ASB15: variants seen among roughly 807,000 people sequenced by gnomAD.
ASB15 encodes the protein ankyrin repeat and SOCS box containing 15.
A neutral mutation model predicts 58.0 loss-of-function variants in ASB15; 54 were observed. The observed-to-expected ratio is 0.93, with a 90% CI of 0.75 to 1.17. The LOEUF (loss-of-function observed/expected upper bound fraction) is 1.17, where lower values mean the gene tolerates loss of function less well. Among genes scored for constraint, ASB15 ranks in the 50% most tolerant of loss-of-function variants. ASB15 has a pLI of 0.00. For missense variants in ASB15, 680 were observed against 707.4 expected (o/e 0.96, Z 0.44); for synonymous variants, 249 against 262.4 (o/e 0.95, Z 0.50).
At chr7:123,609,739 A>T (rs1425610804) in intron 3 of ASB15, among the ~76,000 whole-genome samples, 1 of 152,206 alleles carries the variant, frequency 6.6e-6, no homozygotes, top group Non-Finnish European at 1.5e-5. Context: ...GAGCTACTGT[A>T]TTTCAAAGGA....
chr7:123,630,554 C>T (rs1802067419), intron 11 of ASB15, among the ~76,000 whole-genome samples: 1 of 152,010 alleles, frequency 6.6e-6, no homozygotes, highest in South Asian at 2.1e-4. Flanking sequence ...GACATGCTTT[C>T]TCTGGGGTCT....
At chr7:123,608,493 ATTGT>A (rs528349275) in intron 2 of ASB15, 97 bp from the exon 3 acceptor site, 41 of 152,186 alleles carry the variant, frequency 2.7e-4, no homozygotes, top group African/African-American at 7.7e-4. Context: ...TTGGACTAAG[ATTGT>A]TTGTGTGTGT....
chr7:123,581,053 CAGT>C (rs1268678943), intron 1 of ASB15, among the ~76,000 whole-genome samples: 2 of 151,912 alleles, frequency 1.3e-5, no homozygotes, highest in Non-Finnish European at 2.9e-5. Flanking sequence ...CAGCTTGTTG[CAGT>C]AGAACTGTCT....
At chr7:123,574,840 T>G (rs1481991325) in intron 1 of ASB15, among the ~76,000 whole-genome samples, 2 of 152,136 alleles carry the variant, frequency 1.3e-5, no homozygotes, top group Admixed American at 1.3e-4. Context: ...ATTGTTTTCC[T>G]CCAAAGTACT....
chr7:123,636,889 T>A lies in ASB15; in HGVS notation c.1675T>A (p.Ser559Thr). Residue 559 changes from serine to threonine, a missense_variant, in exon 12 of 12, where the codon TCA becomes ACA. Transcript: ENST00000451215. ...MGLQKLCQPASVEKLPLPPAI... is the reference protein window; with the variant it reads ...MGLQKLCQPATVEKLPLPPAI... ...TCTCCAGAAACTCTGCCAGCCAGCC[T>A]CAGTGGAGAAGCTTCCTCTACCACC... 6.2e-7 allele frequency: 1 copy of A among 1,604,168 alleles called. No individual in the cohort carries two copies.
intron 3 of ASB15, chr7:123,609,243 T>C (rs1652030973): frequency 2.0e-5 from 3 of 152,162 alleles, no homozygotes; most frequent in African/African-American, 2.4e-5. Context: ...GACCCTTTTG[T>C]TGTCCCTTCG....
At chr7:123,631,248 T>C (rs887113793) in intron 11 of ASB15, among the ~76,000 whole-genome samples, 1 of 152,212 alleles carries the variant, frequency 6.6e-6, no homozygotes, top group Admixed American at 6.5e-5. Flanking sequence ...AGATGTAAGA[T>C]AGTATTAACC....
chr7:123,624,569 CTGTGAA>C lies in ASB15; in HGVS notation c.453_458del (p.Val152_Lys153del), dbSNP rs778221995. 6.2e-7 allele frequency: 1 copy of C among 1,610,660 alleles called. No homozygotes were observed. The highest frequency in any genetic ancestry group is 8.5e-7 in the Non-Finnish European group (1 of 1,176,966). ...GTTGTTTTTAACAATCATTTTCAAG[CTGTGAA>C]AAAGGGCTCCTATGACATGGTGTCG... On this transcript the variant is annotated inframe_deletion and splice_region_variant, in exon 8 of 12. Transcript: ENST00000451215.
rs1302783497 is a variant in ASB15 at position 123,638,181 on chromosome 7, C to G, written c.*1200C>G. The G allele has an allele frequency of 6.6e-6, 1 of 152,080 alleles. No individual in the cohort carries two copies. Among genetic ancestry groups the G allele is most frequent in the Non-Finnish European group, 1.5e-5 (1 of 68,012 alleles). 9.4% of individuals were successfully genotyped at this position (152,080 alleles called of 1,614,324 possible). On this transcript the variant is annotated 3_prime_UTR_variant, in exon 12 of 12. Transcript: ENST00000451215. ...CCCTGTCCCAAACACTTTCTACATA[C>G]AGCATCTCAGAAGAGTCTTTTACAA... is the stretch of plus-strand genomic sequence containing the variant.
In ASB15 at chr7:123,604,149, G is replaced by C. The variant is rs1202594334; in HGVS notation, c.-127G>C. 1 of 152,184 alleles carries C rather than the reference G, an allele frequency of 6.6e-6. No homozygotes were observed. The highest frequency in any genetic ancestry group is 1.5e-5 in the Non-Finnish European group (1 of 68,052). 9.4% of individuals were successfully genotyped at this position (152,184 alleles called of 1,614,324 possible). A position where few individuals can be genotyped will look rare whatever the true frequency, so the allele number is the denominator to read the frequency against. ...AGCCTTCCTGGGGGATATTAACAGG[G>C]CTCCTGTGTTGCAGAGGAACACTAC... On this transcript the variant is annotated 5_prime_UTR_variant, in exon 2 of 12. Coordinates refer to ENST00000451215, the MANE Select transcript of ASB15 (RefSeq NM_001290258.2).
intron 2 of ASB15, among the ~76,000 whole-genome samples, 199 bp from the exon 3 acceptor site, chr7:123,608,395 G>T (rs995345047): frequency 1.3e-5 from 2 of 152,116 alleles, no homozygotes; most frequent in Non-Finnish European, 2.9e-5. Flanking sequence ...ATCATGTTTA[G>T]TTTCTACAGA....
At chr7:123,599,193 C>G (rs1042187351), upstream of ASB15, among the ~76,000 whole-genome samples, 2 of 152,088 alleles carry the variant, frequency 1.3e-5, no homozygotes, top group Non-Finnish European at 2.9e-5. Context: ...GAGAGATATA[C>G]ATGGGTATTG....
At chr7:123,626,387 G>C (rs542373394) in intron 8 of ASB15, among the ~76,000 whole-genome samples, 221 of 152,218 alleles carry the variant, frequency 1.5e-3, no homozygotes, top group African/African-American at 4.9e-3. Context: ...CAGAAGAACT[G>C]CTTAAACCCA....
intron 1 of ASB15, among the ~76,000 whole-genome samples, chr7:123,595,703 A>T (rs145253731): frequency 6.6e-6 from 1 of 152,312 alleles, no homozygotes; most frequent in Non-Finnish European, 1.5e-5. Context: ...ACTGGTGAGA[A>T]TCCCACATTC....
At chr7:123,580,258 G>A (rs192138668) in intron 1 of ASB15, among the ~76,000 whole-genome samples, 2 of 152,140 alleles carry the variant, frequency 1.3e-5, no homozygotes, top group Admixed American at 1.3e-4. Context: ...TGCTAAGGTG[G>A]CAGATGAAGT....
At chr7:123,626,654 A>G (rs1414706071) in intron 8 of ASB15, among the ~76,000 whole-genome samples, 1 of 152,232 alleles carries the variant, frequency 6.6e-6, no homozygotes, top group Non-Finnish European at 1.5e-5. Context: ...TTGAAAGTAT[A>G]GAAAACATGG....
chr7:123,608,176 AG>A (rs143749332), intron 2 of ASB15, among the ~76,000 whole-genome samples: 2,576 of 152,252 alleles, frequency 0.017, 75 homozygotes, highest in African/African-American at 0.059. Context: ...ATGAAACTGG[AG>A]ATAAAACTAC....
upstream of ASB15, among the ~76,000 whole-genome samples, chr7:123,598,594 C>T (rs138479266): frequency 1.3e-4 from 20 of 152,290 alleles, no homozygotes; most frequent in East Asian, 3.7e-3. Context: ...ACAGAAATAA[C>T]TGCGAACCCA....
At position 123,636,374 on chromosome 7, in the gene ASB15, A is replaced by T. The variant is rs191079878; in HGVS notation, c.1595-435A>T. On this transcript the variant is annotated intron_variant, in intron 11 of 11. Coordinates refer to ENST00000451215, the MANE Select transcript of ASB15 (RefSeq NM_001290258.2). ...CAAAACTCAGATTGGATTATTCATG[A>T]TCTATGGAATCATCTGTGTCGATGT... is the stretch of plus-strand genomic sequence containing the variant. Among the ~76,000 whole-genome samples, 27 of 152,364 alleles carry T rather than the reference A, an allele frequency of 1.8e-4. No individual in the cohort carries two copies. The South Asian group carries it at 2.3e-3, about 13-fold the overall frequency.
Sources: allele counts gnomAD v4.1 joint callset (sites outside exome capture counted in the v4.1 genomes callset), GRCh38; gene constraint gnomAD v4.1.1; transcripts MANE v1.5; gene names NCBI Gene and HGNC (gene_info 2026-07-23, HGNC 2026-07-21).